The following CADPS2 variants were observed in gnomAD, a reference collection of about 807,000 sequenced individuals.
CADPS2 encodes the protein calcium-dependent secretion activator 2.
Under a neutral mutation model 172.5 loss-of-function variants are expected in CADPS2, and 93 were observed. That is an observed-to-expected ratio of 0.54 (90% CI 0.46 to 0.64). The LOEUF (loss-of-function observed/expected upper bound fraction) is 0.64. CADPS2 is among the 30% of genes least tolerant of loss of function. The pLI, the probability that CADPS2 is intolerant of heterozygous loss-of-function variation, is 0.00. For synonymous variants in CADPS2, 546 were observed against 555.2 expected, an observed-to-expected ratio of 0.98 and a Z score of 0.23; for missense variants, 1,420 against 1,565.9, an observed-to-expected ratio of 0.91 and a Z score of 1.57.
At chr7:122,603,407 T>C (rs376679631) in intron 6 of CADPS2, among the ~76,000 whole-genome samples, 50 of 144,088 alleles carry the variant, frequency 3.5e-4, no homozygotes, top group African/African-American at 1.3e-3. Flanking sequence ...GACTTAAAAA[T>C]AGGATGCTAA....
At chr7:122,859,965 T>C (rs1563192992) in intron 1 of CADPS2, among the ~76,000 whole-genome samples, 1 of 152,112 alleles carries the variant, frequency 6.6e-6, no homozygotes, top group Admixed American at 6.6e-5. Flanking sequence ...CCAGTAAAGT[T>C]GAAATGCAGA....
At chr7:122,656,279 G>C (rs562956812) in intron 3 of CADPS2, among the ~76,000 whole-genome samples, 29 of 152,232 alleles carry the variant, frequency 1.9e-4, no homozygotes, top group Admixed American at 1.9e-3. Context: ...AGAAAAAAGG[G>C]GGAGAAAGCC....
intron 15 of CADPS2, among the ~76,000 whole-genome samples, chr7:122,448,446 A>G (rs960734827): frequency 1.5e-4 from 23 of 152,224 alleles, no homozygotes; most frequent in Non-Finnish European, 3.1e-4. Context: ...TCATATCAGG[A>G]TTGTATAGTA....
intron 4 of CADPS2, among the ~76,000 whole-genome samples, chr7:122,628,604 A>G (rs1234537934): frequency 6.6e-6 from 1 of 151,638 alleles, no homozygotes; most frequent in African/African-American, 2.4e-5. Flanking sequence ...TAATAAATTC[A>G]CTAAAGAATG....
intron 8 of CADPS2, among the ~76,000 whole-genome samples, chr7:122,551,212 A>G (rs2064241315): frequency 6.6e-6 from 1 of 152,094 alleles, no homozygotes; most frequent in South Asian, 2.1e-4. Flanking sequence ...TTACATTAAA[A>G]TTATGTTCTA....
chr7:122,706,630 A>ATG lies in CADPS2; in HGVS notation c.453+30324_453+30325insCA, dbSNP rs774575135. On this transcript the variant is annotated intron_variant, in intron 2 of 29. Transcript: ENST00000449022. ...TAAGAGATAGGTTGTGTGTGTGTGT[A>ATG]TATATATATAGTTACATGCTCTTAA... Among the ~76,000 whole-genome samples the ATG allele has an allele frequency of 2.7e-5, 4 of 147,180 alleles. No individual in the cohort carries two copies. The East Asian group carries it at 7.9e-4, about 29-fold the overall frequency.
chr7:122,400,476 C>CA (rs1275826088), intron 20 of CADPS2, among the ~76,000 whole-genome samples: 1 of 150,938 alleles, frequency 6.6e-6, no homozygotes, highest in Non-Finnish European at 1.5e-5. Flanking sequence ...CAAAACTAAA[C>CA]AAAAAAAGAA....
intron 1 of CADPS2, among the ~76,000 whole-genome samples, chr7:122,790,817 T>G (rs2139673881): frequency 6.6e-6 from 1 of 152,182 alleles, no homozygotes; most frequent in Middle Eastern, 3.4e-3. Context: ...AAATTCACAG[T>G]CATAAAATCC....
chr7:122,836,723 G>C (rs912487561), intron 1 of CADPS2, among the ~76,000 whole-genome samples: 5 of 152,138 alleles, frequency 3.3e-5, no homozygotes, highest in African/African-American at 1.2e-4. Flanking sequence ...AACAAGAAGA[G>C]CTAACTATCT....
At chr7:122,631,851 T>C (rs907228250) in intron 3 of CADPS2, among the ~76,000 whole-genome samples, 6 of 152,146 alleles carry the variant, frequency 3.9e-5, no homozygotes, top group Non-Finnish European at 7.4e-5. Flanking sequence ...CACATTTCCC[T>C]TGGTCAATCA....
At chr7:122,698,413 T>G (rs768662044) in intron 2 of CADPS2, 2 of 1,614,000 alleles carry the variant, frequency 1.2e-6, no homozygotes, top group Non-Finnish European at 1.7e-6. Context: ...GAGAACTCCC[T>G]TCTTAATTAA....
At chr7:122,598,942 G>A (rs1478939404) in intron 6 of CADPS2, among the ~76,000 whole-genome samples, 1 of 152,074 alleles carries the variant, frequency 6.6e-6, no homozygotes, top group Non-Finnish European at 1.5e-5. Flanking sequence ...AGAACATATA[G>A]GGTATTACTG....
At chr7:122,391,687 A>G (rs1051006104) in intron 22 of CADPS2, among the ~76,000 whole-genome samples, 3 of 152,136 alleles carry the variant, frequency 2.0e-5, no homozygotes, top group African/African-American at 7.2e-5. Flanking sequence ...TGCAGTTATG[A>G]TGTTAAACTT....
chr7:122,371,044 A>G (rs2041702075), intron 25 of CADPS2, among the ~76,000 whole-genome samples: 1 of 152,206 alleles, frequency 6.6e-6, no homozygotes, highest in Admixed American at 6.5e-5. Context: ...TACATCCTGA[A>G]CTACAAGGAA....
At chr7:122,694,742 CATT>C (rs1478303072) in intron 2 of CADPS2, among the ~76,000 whole-genome samples, 2 of 152,100 alleles carry the variant, frequency 1.3e-5, no homozygotes, top group African/African-American at 2.4e-5. Flanking sequence ...TATTTTTCAT[CATT>C]AAGAACTAAA....
intron 1 of CADPS2, among the ~76,000 whole-genome samples, chr7:122,770,330 T>A (rs1370188598): frequency 1.3e-5 from 2 of 152,180 alleles, no homozygotes; most frequent in African/African-American, 4.8e-5. Flanking sequence ...AAAAAAAGTA[T>A]AGAAAATATG....
chr7:122,387,115 T>G lies in CADPS2; in HGVS notation c.3223A>C (p.Ile1075Leu). Residue 1075 changes from isoleucine (I) to leucine (L), a missense_variant, in exon 24 of 30, where the codon ATT (isoleucine) becomes CTT (leucine). Transcript: ENST00000449022. ...QKASKTTDLR[I>L]PASVCTMFNV... The stretch of plus-strand genomic sequence containing the variant: ...AACATAGTGCAAACGGAAGCTGGAA[T>G]GCGCAAGTCAGTTGTTTTGCTTGCC... The G allele has an allele frequency of 6.4e-7, 1 of 1,574,466 alleles. No homozygotes were observed. The highest frequency in any genetic ancestry group is 8.6e-7 in the Non-Finnish European group (1 of 1,157,540).
intron 7 of CADPS2, among the ~76,000 whole-genome samples, chr7:122,573,310 G>A (rs997282532): frequency 6.6e-6 from 1 of 152,110 alleles, no homozygotes; most frequent in African/African-American, 2.4e-5. Flanking sequence ...GGGAGGTTGG[G>A]ATGGGAGGAT....
intron 1 of CADPS2, among the ~76,000 whole-genome samples, chr7:122,847,193 TCTC>T (rs1563165339): frequency 6.6e-6 from 1 of 152,122 alleles, no homozygotes; most frequent in Non-Finnish European, 1.5e-5. Context: ...TTCAAGCAAT[TCTC>T]CTATCTTGGC....
Sources: allele counts gnomAD v4.1 joint callset (sites outside exome capture counted in the v4.1 genomes callset), GRCh38; gene constraint gnomAD v4.1.1; transcripts MANE v1.5; gene names NCBI Gene and HGNC (gene_info 2026-07-23, HGNC 2026-07-21).